The following PTPRN2 variants were observed in gnomAD, a reference collection of about 807,000 sequenced individuals.
The protein encoded by PTPRN2 is receptor-type tyrosine-protein phosphatase N2.
Under a neutral mutation model 118.8 loss-of-function variants are expected in PTPRN2, and 74 were observed. That is an observed-to-expected ratio of 0.62 (90% CI 0.52 to 0.76). The LOEUF (loss-of-function observed/expected upper bound fraction) is 0.76, where lower values mean the gene tolerates loss of function less well. Among genes scored for constraint, PTPRN2 ranks in the 30% least tolerant of loss-of-function variants. The pLI, the probability that PTPRN2 is intolerant of heterozygous loss-of-function variation, is 0.00. For missense variants in PTPRN2, 1,481 were observed against 1,394.4 expected (o/e 1.06, Z -0.99); for synonymous variants, 641 against 608.0 (o/e 1.05, Z -0.80).
intron 19 of PTPRN2, among the ~76,000 whole-genome samples, chr7:157,573,442 G>A (rs898561725): frequency 2.0e-5 from 3 of 152,176 alleles, no homozygotes; most frequent in South Asian, 2.1e-4. Flanking sequence ...TCCACTCTAC[G>A]CAGAGACTAA....
intron 3 of PTPRN2, among the ~76,000 whole-genome samples, chr7:158,313,786 T>C (rs753101399): frequency 1.1e-4 from 17 of 152,268 alleles, no homozygotes; most frequent in Non-Finnish European, 1.5e-4. Context: ...ATTATTGTCA[T>C]GTAATTTAAA....
At chr7:158,504,071 A>G (rs145656413) in intron 1 of PTPRN2, among the ~76,000 whole-genome samples, 222 of 152,328 alleles carry the variant, frequency 1.5e-3, no homozygotes, top group African/African-American at 5.2e-3. Flanking sequence ...GAAAATCTCA[A>G]AGAATAATAC....
In PTPRN2 at chr7:157,611,861, G is replaced by A. The variant is rs572295938; in HGVS notation, c.2345-7786C>T. On this transcript the variant is annotated intron_variant, in intron 15 of 22. Coordinates refer to ENST00000389418, the MANE Select transcript of PTPRN2 (RefSeq NM_002847.5). The surrounding 1 kb of genome is among the most constrained non-coding windows in gnomAD (Gnocchi z 5.9). ...TGCTGGGGACACGCGGAGGGAGAGC[G>A]CCCGTGTGAAGACGAAGACAGCCGC... Among the ~76,000 whole-genome samples, 26 of 148,880 alleles carry A rather than the reference G, an allele frequency of 1.7e-4. No individual in the cohort carries two copies. The highest frequency in any genetic ancestry group is 3.9e-4 in the Non-Finnish European group (26 of 67,006).
chr7:158,431,731 TCACACTGGCC>T (rs1404071974), intron 2 of PTPRN2, among the ~76,000 whole-genome samples: 2 of 139,670 alleles, frequency 1.4e-5, no homozygotes, highest in Admixed American at 7.1e-5. Context: ...TCACACTGGC[TCACACTGGCC>T]ACACACTGGC....
chr7:157,736,009 C>A (rs538791953), intron 12 of PTPRN2, among the ~76,000 whole-genome samples: 2 of 152,206 alleles, frequency 1.3e-5, no homozygotes, highest in Non-Finnish European at 2.9e-5. Context: ...GGTGGGTGGG[C>A]CCCGTTCCCA....
intron 11 of PTPRN2, among the ~76,000 whole-genome samples, chr7:158,074,665 C>T (rs932290864): frequency 2.0e-5 from 3 of 152,062 alleles, no homozygotes; most frequent in Admixed American, 2.0e-4. Context: ...GGCTCTTCTC[C>T]CTGATCAGGG....
chr7:158,330,960 A>G (rs1804272398), intron 2 of PTPRN2, among the ~76,000 whole-genome samples: 1 of 118,870 alleles, frequency 8.4e-6, no homozygotes, highest in Non-Finnish European at 1.7e-5. Flanking sequence ...TGTCACACGC[A>G]GACGACACTC....
Position 157,813,485 on chromosome 7 carries a change from G to C in PTPRN2, c.1788+85188C>G, listed in dbSNP as rs932332405. ...AATGGAAAAGGCCCTAATGTCATGG[G>C]AAAGTCTAACAATTTGTTAAACTTT... On this transcript the variant is annotated intron_variant, in intron 12 of 22. Transcript: ENST00000389418. The surrounding 1 kb of genome is among the most constrained non-coding windows in gnomAD (Gnocchi z 4.7). Among the ~76,000 whole-genome samples the C allele has an allele frequency of 1.3e-5, 2 of 152,194 alleles. No individual in the cohort carries two copies. Among genetic ancestry groups the C allele is most frequent in the African/African-American group, 4.8e-5 (2 of 41,426 alleles).
chr7:157,665,712 T>C (rs1457517463), intron 13 of PTPRN2, among the ~76,000 whole-genome samples: 2 of 152,204 alleles, frequency 1.3e-5, no homozygotes, highest in African/African-American at 2.4e-5. Flanking sequence ...CTATTCACAA[T>C]AGTAAAGACT....
At chr7:158,551,528 G>A (rs1826652838) in intron 1 of PTPRN2, among the ~76,000 whole-genome samples, 2 of 144,868 alleles carry the variant, frequency 1.4e-5, no homozygotes, top group Admixed American at 6.9e-5. Flanking sequence ...CATCTGGAGT[G>A]GGGCTCTAAC....
At chr7:158,143,652 G>A (rs1356229359) in intron 6 of PTPRN2, among the ~76,000 whole-genome samples, 1 of 152,160 alleles carries the variant, frequency 6.6e-6, no homozygotes, top group Non-Finnish European at 1.5e-5. Context: ...CTCCTCATCA[G>A]GTGAGTGGGG....
At chr7:158,506,793 C>T (rs558078401) in intron 1 of PTPRN2, among the ~76,000 whole-genome samples, 1 of 152,180 alleles carries the variant, frequency 6.6e-6, no homozygotes, top group South Asian at 2.1e-4. Context: ...GCCTGGGTGT[C>T]TCCTCACTCC....
intron 10 of PTPRN2, among the ~76,000 whole-genome samples, chr7:158,103,291 C>G (rs903107098): frequency 1.3e-5 from 2 of 152,156 alleles, no homozygotes; most frequent in African/African-American, 4.8e-5. Flanking sequence ...TGGAATCCTT[C>G]GTGGAAAGGA....
intron 2 of PTPRN2, among the ~76,000 whole-genome samples, chr7:158,328,088 G>T (rs1399250525): frequency 6.6e-6 from 1 of 152,196 alleles, no homozygotes; most frequent in Non-Finnish European, 1.5e-5. Context: ...GCACATTTCT[G>T]CAAGGAAGCT....
At chr7:157,817,001 G>A (rs1806448760) in intron 12 of PTPRN2, among the ~76,000 whole-genome samples, 1 of 152,214 alleles carries the variant, frequency 6.6e-6, no homozygotes, top group Admixed American at 6.5e-5. Context: ...CTGGCCTCCG[G>A]CCAGTCTCGG....
At chr7:158,370,764 T>A (rs923424547) in intron 2 of PTPRN2, among the ~76,000 whole-genome samples, 4 of 151,478 alleles carry the variant, frequency 2.6e-5, no homozygotes, top group Non-Finnish European at 4.4e-5. Context: ...AAAAAATTTT[T>A]AAAAATCAAT....
intron 12 of PTPRN2, among the ~76,000 whole-genome samples, chr7:157,708,520 C>T (rs1030278929): frequency 6.6e-6 from 1 of 151,858 alleles, no homozygotes; most frequent in Non-Finnish European, 1.5e-5. Flanking sequence ...GAAGGTACTC[C>T]AGAGTTGGAC....
At chr7:158,346,986 T>C (rs963089549) in intron 2 of PTPRN2, among the ~76,000 whole-genome samples, 1 of 152,252 alleles carries the variant, frequency 6.6e-6, no homozygotes, top group African/African-American at 2.4e-5. Flanking sequence ...GAGCTTATTA[T>C]ATATTTTGGA....
intron 1 of PTPRN2, chr7:158,532,812 G>A (rs201352992): frequency 1.3e-5 from 7 of 534,554 alleles, no homozygotes; most frequent in Admixed American, 3.9e-5. Flanking sequence ...GCAGGCTTCC[G>A]TGCAGGAGCC....
Sources: allele counts gnomAD v4.1 joint callset (sites outside exome capture counted in the v4.1 genomes callset), GRCh38; gene constraint gnomAD v4.1.1; non-coding constraint Gnocchi (gnomAD v3.1); transcripts MANE v1.5; gene names NCBI Gene and HGNC (gene_info 2026-07-23, HGNC 2026-07-21).